The following PTPRD variants were observed in gnomAD, a reference collection of about 807,000 sequenced individuals.
The protein encoded by PTPRD is receptor-type tyrosine-protein phosphatase delta.
PTPRD carries 34 observed loss-of-function variants against 214.5 expected under a neutral mutation model. The observed-to-expected ratio is 0.16, with a 90% CI of 0.12 to 0.21. The LOEUF is 0.21. Ranked by LOEUF, PTPRD falls within the 10% of genes least tolerant of loss-of-function variation. The pLI, the probability that PTPRD is intolerant of heterozygous loss-of-function variation, is 1.00. For synonymous variants in PTPRD, 1,128 were observed against 845.7 expected (o/e 1.33, Z -5.79); for missense variants, 2,545 against 2,398.7 (o/e 1.06, Z -1.27).
intron 10 of PTPRD, among the ~76,000 whole-genome samples, chr9:9,155,924 C>A (rs1237082865): frequency 6.6e-6 from 1 of 152,106 alleles, no homozygotes; most frequent in Non-Finnish European, 1.5e-5. Context: ...TTATTTCTTT[C>A]CTGCTTTAGC....
At chr9:10,457,809 A>G (rs2098929450) in intron 2 of PTPRD, among the ~76,000 whole-genome samples, 1 of 152,054 alleles carries the variant, frequency 6.6e-6, no homozygotes, top group South Asian at 2.1e-4. Flanking sequence ...TTAAATTTGC[A>G]TACCTTTTTT....
intron 2 of PTPRD, among the ~76,000 whole-genome samples, chr9:10,347,919 G>T (rs550273419): frequency 6.6e-6 from 1 of 151,850 alleles, no homozygotes; most frequent in Non-Finnish European, 1.5e-5. Flanking sequence ...TTAGCCCAGC[G>T]TGGTGCATGT....
chr9:8,465,346 T>C, intron 32 of PTPRD, 120 bp downstream of exon 32: 1 of 873,394 alleles, frequency 1.1e-6, no homozygotes, highest in Non-Finnish European at 1.8e-6. Context: ...GTTATTACAC[T>C]TAATAACAGT....
chr9:8,804,006 G>A (rs932141831), intron 11 of PTPRD, among the ~76,000 whole-genome samples: 1 of 151,996 alleles, frequency 6.6e-6, no homozygotes, highest in Admixed American at 6.6e-5. Context: ...AGGCTGGAGT[G>A]TAGTGGTGCA....
At chr9:10,426,403 C>T (rs554990994) in intron 2 of PTPRD, among the ~76,000 whole-genome samples, 5 of 151,818 alleles carry the variant, frequency 3.3e-5, no homozygotes, top group East Asian at 2.0e-4. Flanking sequence ...CAAAAATTTT[C>T]GAAGGACTTG....
At position 8,749,853 on chromosome 9, in the gene PTPRD, A is replaced by G. The variant is rs186147291; in HGVS notation, c.-103-15907T>C. On this transcript the variant is annotated intron_variant, in intron 11 of 45. Coordinates refer to ENST00000381196, the MANE Select transcript of PTPRD (RefSeq NM_002839.4). ...GCGGTGGCTTACGCCTGTAATCACA[A>G]CACTTTGGGAGGCCAAGGAGGGTGG... 7.3e-4 allele frequency among the ~76,000 whole-genome samples: 111 copies of G among 152,182 alleles called. 1 individual carries two copies. The South Asian group carries it at 8.9e-3, about 12-fold the overall frequency.
At chr9:8,359,714 G>T (rs1455457720) in intron 39 of PTPRD, among the ~76,000 whole-genome samples, 1 of 152,098 alleles carries the variant, frequency 6.6e-6, no homozygotes, top group Non-Finnish European at 1.5e-5. Context: ...CCATTCTCTT[G>T]CATTTTACAG....
intron 9 of PTPRD, among the ~76,000 whole-genome samples, chr9:9,292,337 C>T (rs1237031674): frequency 2.6e-5 from 4 of 151,358 alleles, no homozygotes; most frequent in Non-Finnish European, 4.4e-5. Flanking sequence ...CCAACTTTGT[C>T]ACTTTCCGCA....
intron 11 of PTPRD, among the ~76,000 whole-genome samples, chr9:8,928,537 C>A (rs200061946): frequency 2.2e-4 from 33 of 151,282 alleles, no homozygotes; most frequent in African/African-American, 7.5e-4. Context: ...ATTTCTGAGG[C>A]CTCTGTTCTG....
intron 11 of PTPRD, among the ~76,000 whole-genome samples, chr9:8,936,443 A>AAAAAAAAAAAAAAAAAAAAAAAAT (rs2098998215): frequency 6.7e-6 from 1 of 150,248 alleles, no homozygotes; most frequent in African/African-American, 2.4e-5. Flanking sequence ...AAAAAAAAAA[A>AAAAAAAAAAAAAAAAAAAAAAAAT]AAAAAAAGAA....
At chr9:8,543,859 G>T (rs954799777) in intron 14 of PTPRD, among the ~76,000 whole-genome samples, 1 of 151,592 alleles carries the variant, frequency 6.6e-6, no homozygotes, top group Admixed American at 6.6e-5. Context: ...CTACAGCTGC[G>T]TGCCACAACA....
At chr9:8,570,462 G>A (rs934237978) in intron 14 of PTPRD, among the ~76,000 whole-genome samples, 3 of 152,064 alleles carry the variant, frequency 2.0e-5, no homozygotes, top group Admixed American at 2.0e-4. Context: ...AAGAGTCAAT[G>A]AGCAACAACA....
chr9:10,144,700 T>G (rs1388676307), intron 3 of PTPRD, among the ~76,000 whole-genome samples: 1 of 152,090 alleles, frequency 6.6e-6, no homozygotes, highest in Admixed American at 6.6e-5. Flanking sequence ...GGGACTAGCT[T>G]CGTTAGATAT....
intron 11 of PTPRD, among the ~76,000 whole-genome samples, chr9:8,885,746 C>G (rs111375062): frequency 1.1e-4 from 17 of 152,184 alleles, no homozygotes; most frequent in African/African-American, 3.9e-4. Flanking sequence ...AACCACCCAC[C>G]TTGGTCTCCC....
At chr9:9,241,943 T>C (rs10977609) in intron 9 of PTPRD, among the ~76,000 whole-genome samples, 16,496 of 152,052 alleles carry the variant, frequency 0.11, 1,151 homozygotes, top group Non-Finnish European at 0.14. Context: ...CCAGCATCGA[T>C]GGTCTTTACA....
intron 12 of PTPRD, among the ~76,000 whole-genome samples, chr9:8,731,975 G>T (rs2098664363): frequency 6.6e-6 from 1 of 152,284 alleles, no homozygotes; most frequent in East Asian, 1.9e-4. Context: ...AAGGTTGAAA[G>T]CTGGTATCAC....
At chr9:8,607,059 T>A (rs1249363778) in intron 14 of PTPRD, among the ~76,000 whole-genome samples, 11 of 152,120 alleles carry the variant, frequency 7.2e-5, no homozygotes, top group Non-Finnish European at 8.8e-5. Context: ...TGGGAAGACA[T>A]TGGACAAAGG....
At chr9:10,440,231 G>A (rs2098749916) in intron 2 of PTPRD, among the ~76,000 whole-genome samples, 1 of 151,526 alleles carries the variant, frequency 6.6e-6, no homozygotes, top group African/African-American at 2.4e-5. Context: ...TGAAGCATCA[G>A]GTATTCCTTT....
At chr9:9,065,926 A>G (rs1364614144) in intron 10 of PTPRD, among the ~76,000 whole-genome samples, 1 of 152,140 alleles carries the variant, frequency 6.6e-6, no homozygotes, top group Admixed American at 6.5e-5. Context: ...TCATAACTTA[A>G]TGGTAAAAAT....
Sources: allele counts gnomAD v4.1 joint callset (sites outside exome capture counted in the v4.1 genomes callset), GRCh38; gene constraint gnomAD v4.1.1; transcripts MANE v1.5; gene names NCBI Gene and HGNC (gene_info 2026-07-23, HGNC 2026-07-21).